The following SAMMSON variants were observed in gnomAD, a reference collection of about 807,000 sequenced individuals.
SAMMSON encodes the protein survival associated mitochondrial melanoma specific oncogenic non-coding RNA.
intron 2 of SAMMSON, among the ~76,000 whole-genome samples, chr3:70,395,953 T>C (rs1018997676): frequency 2.6e-5 from 4 of 152,170 alleles, no homozygotes; most frequent in Non-Finnish European, 5.9e-5. Context: ...TGTGAATTCA[T>C]GCCTCTAAGC....
intron 4 of SAMMSON, among the ~76,000 whole-genome samples, chr3:70,218,001 A>G (rs1159438824): frequency 6.6e-6 from 1 of 152,194 alleles, no homozygotes; most frequent in Non-Finnish European, 1.5e-5. Context: ...AAGAAATCAC[A>G]GGAGCGAGGG....
At chr3:70,393,712 G>A (rs527882951), downstream of SAMMSON, among the ~76,000 whole-genome samples, 1 of 152,194 alleles carries the variant, frequency 6.6e-6, no homozygotes, top group South Asian at 2.1e-4. Flanking sequence ...AAAAGTGTAG[G>A]AAACATCAGG....
chr3:70,208,287 A>T (rs1176027774), intron 4 of SAMMSON, among the ~76,000 whole-genome samples: 1 of 152,054 alleles, frequency 6.6e-6, no homozygotes, highest in African/African-American at 2.4e-5. Context: ...TGAGTTACTG[A>T]AATTGATAAT....
intron 4 of SAMMSON, chr3:70,125,491 CT>C (rs1280700056): frequency 1.2e-5 from 9 of 741,820 alleles, no homozygotes; most frequent in Non-Finnish European, 1.8e-5. Flanking sequence ...CTTTTTTAAT[CT>C]CTTCTGTGAT....
chr3:70,411,878 T>G (rs774189092), intron 2 of SAMMSON, among the ~76,000 whole-genome samples: 1 of 152,192 alleles, frequency 6.6e-6, no homozygotes, highest in Non-Finnish European at 1.5e-5. Flanking sequence ...CATAGGAGTA[T>G]GAAAATGGGC....
At chr3:70,428,335 C>T (rs1037310157) in intron 2 of SAMMSON, among the ~76,000 whole-genome samples, 14 of 152,012 alleles carry the variant, frequency 9.2e-5, no homozygotes, top group Admixed American at 6.6e-4. Context: ...TAATACTACC[C>T]GATTTCAAGA....
chr3:70,379,879 A>G (rs1553660369), intron 9 of SAMMSON, among the ~76,000 whole-genome samples: 1 of 152,228 alleles, frequency 6.6e-6, no homozygotes, highest in Non-Finnish European at 1.5e-5. Context: ...GTTTATAAAA[A>G]TAAACGCTAA....
chr3:70,319,825 G>A (rs1167632134), intron 7 of SAMMSON, among the ~76,000 whole-genome samples: 1 of 151,936 alleles, frequency 6.6e-6, no homozygotes, highest in Non-Finnish European at 1.5e-5. Context: ...TTTAGATACT[G>A]GATGTTTATT....
intron 4 of SAMMSON, among the ~76,000 whole-genome samples, chr3:70,089,537 C>T (rs562583873): frequency 7.8e-4 from 8 of 10,292 alleles, no homozygotes; most frequent in South Asian, 5.6e-3. Flanking sequence ...GGCAGATGGA[C>T]GGGGGGTGGG....
At chr3:70,251,011 A>G (rs1051227099) in intron 6 of SAMMSON, among the ~76,000 whole-genome samples, 2 of 152,242 alleles carry the variant, frequency 1.3e-5, no homozygotes, top group African/African-American at 2.4e-5. Context: ...TTGTGAAATC[A>G]CCATTTAAAC....
At chr3:70,194,106 G>A (rs1701153597) in intron 4 of SAMMSON, among the ~76,000 whole-genome samples, 1 of 152,132 alleles carries the variant, frequency 6.6e-6, no homozygotes, top group African/African-American at 2.4e-5. Context: ...TTTTACAGAA[G>A]CAATGGTTTT....
At chr3:70,215,991 AC>A (rs1701406059) in intron 4 of SAMMSON, among the ~76,000 whole-genome samples, 2 of 152,100 alleles carry the variant, frequency 1.3e-5, no homozygotes, top group Admixed American at 1.3e-4. Flanking sequence ...TTTGAATGCA[AC>A]ATTTGCATTG....
intron 3 of SAMMSON, among the ~76,000 whole-genome samples, chr3:70,051,908 G>A (rs2067147988): frequency 1.3e-5 from 2 of 151,958 alleles, no homozygotes; most frequent in Non-Finnish European, 2.9e-5. Context: ...GACCAGGCTG[G>A]GCAACGTGGA....
At chr3:70,011,604 C>CTTTT (rs78695967) in intron 1 of SAMMSON, among the ~76,000 whole-genome samples, 1 of 134,780 alleles carries the variant, frequency 7.4e-6, no homozygotes, top group Non-Finnish European at 1.6e-5. Context: ...GAAGAGTTTA[C>CTTTT]TTTTTTTTTT....
rs537669200 is a variant in SAMMSON at position 70,202,610 on chromosome 3, T to C, written n.508-46497T>C. ...GCTTTCCTATTCCTTAAACCTGAAT[T>C]AAAGAAGGTTTAAGATGGATCAGAG... On this transcript the variant is annotated intron_variant and non_coding_transcript_variant, in intron 4 of 9. Transcript: ENST00000642114. Among the ~76,000 whole-genome samples, 5 of 152,224 alleles carry C rather than the reference T, an allele frequency of 3.3e-5. No individual in the cohort carries two copies. In the South Asian group the frequency reaches 6.2e-4, roughly 19 times the overall value.
intron 4 of SAMMSON, chr3:70,126,627 G>C: frequency 2.8e-6 from 1 of 353,732 alleles, no homozygotes; most frequent in Admixed American, 4.2e-5. Flanking sequence ...AGCAAAAATT[G>C]GCCCAGAGAC....
intron 4 of SAMMSON, among the ~76,000 whole-genome samples, chr3:70,087,570 G>A (rs774121266): frequency 1.3e-5 from 2 of 152,148 alleles, no homozygotes; most frequent in African/African-American, 4.8e-5. Flanking sequence ...GTATAGCCAC[G>A]CATGTTCTCA....
downstream of SAMMSON, among the ~76,000 whole-genome samples, chr3:70,390,847 T>C (rs1328844219): frequency 6.6e-6 from 1 of 152,064 alleles, no homozygotes; most frequent in Non-Finnish European, 1.5e-5. Context: ...TTCCAAAACA[T>C]TGGAGGGATG....
At chr3:70,212,416 T>C (rs1011636646) in intron 4 of SAMMSON, among the ~76,000 whole-genome samples, 1 of 152,154 alleles carries the variant, frequency 6.6e-6, no homozygotes, top group Non-Finnish European at 1.5e-5. Context: ...TTTGTCTTTA[T>C]TGTATTGTCA....
Sources: gnomAD v4.1 joint callset for allele counts (sites outside exome capture counted in the v4.1 genomes callset) on GRCh38, gnomAD v4.1.1 for gene constraint, MANE v1.5 for transcripts, NCBI Gene and HGNC (gene_info 2026-07-23, HGNC 2026-07-21) for gene names.